Variants in NME8 observed in about 807,000 individuals in gnomAD.
NME8 encodes NME/NM23 family member 8.
A neutral mutation model predicts 82.3 loss-of-function variants in NME8; 72 were observed. The ratio of observed to expected loss-of-function variants is 0.87; its 90% CI spans 0.72 to 1.06. The LOEUF is 1.06. Ranked by LOEUF, NME8 falls within the 50% of genes least tolerant of loss-of-function variation. The pLI, the probability that NME8 is intolerant of heterozygous loss-of-function variation, is 0.00. For synonymous variants in NME8, 267 were observed against 228.5 expected (o/e 1.17, Z -1.52); for missense variants, 712 against 685.4 (o/e 1.04, Z -0.43).
rs56873287 is a variant in NME8 at position 37,876,229 on chromosome 7, T to TATAGATAGATAG, written c.819-583_819-572dup. 8.7e-3 allele frequency among the ~76,000 whole-genome samples: 1,272 copies of TATAGATAGATAG among 146,184 alleles called. 16 individuals are homozygous for TATAGATAGATAG. The highest frequency in any genetic ancestry group is 0.03 in the African/African-American group (1,195 of 39,436). ...CTCAAAAAAACACTATATATATATA[T>TATAGATAGATAG]ATAGATAGATAGATAGATAGATAGA... is the stretch of plus-strand genomic sequence containing the variant. On this transcript the variant is annotated intron_variant, in intron 11 of 17. Transcript: ENST00000199447.
At chr7:37,872,669 A>G (rs1784785536) in intron 11 of NME8, among the ~76,000 whole-genome samples, 2 of 152,226 alleles carry the variant, frequency 1.3e-5, no homozygotes, top group South Asian at 4.1e-4. Flanking sequence ...GAAAGTACAC[A>G]CAAAAAATTA....
intron 12 of NME8, among the ~76,000 whole-genome samples, chr7:37,878,302 C>A (rs1285020775): frequency 6.6e-6 from 1 of 152,048 alleles, no homozygotes. Flanking sequence ...CAGAAAAATC[C>A]CACTTGGCTG....
intron 11 of NME8, among the ~76,000 whole-genome samples, chr7:37,875,774 A>G (rs111542848): frequency 6.6e-6 from 1 of 152,164 alleles, no homozygotes. Context: ...AAAAGAAAAA[A>G]TTGTGGCCCC....
At chr7:37,867,529 TA>T (rs2131951988) in intron 10 of NME8, among the ~76,000 whole-genome samples, 172 bp from the exon 11 acceptor site, 1 of 152,184 alleles carries the variant, frequency 6.6e-6, no homozygotes, top group African/African-American at 2.4e-5. Flanking sequence ...AAAGCAAAAA[TA>T]AAAACCCCCA....
At chr7:37,894,736 A>G in intron 16 of NME8, 126 bp downstream of exon 16, 2 of 975,160 alleles carry the variant, frequency 2.1e-6, no homozygotes, top group Non-Finnish European at 3.0e-6. Flanking sequence ...ACATTCTGCT[A>G]ACATTCATGG....
rs538590871 is a variant in NME8, at chr7:37,899,387, T to C, written c.*16-857T>C. Among the ~76,000 whole-genome samples the C allele has an allele frequency of 2.6e-5, 4 of 152,276 alleles. No homozygotes were observed. The South Asian group carries it at 8.3e-4, about 32-fold the overall frequency. On this transcript the variant is annotated intron_variant, in intron 17 of 17. Coordinates refer to ENST00000199447, the MANE Select transcript of NME8 (RefSeq NM_016616.5). ...TGAGATCGTGTCCTTTGCAGGGACA[T>C]AGAGTTGGAAGCCACTATCCTCAGC...
intron 10 of NME8, 113 bp downstream of exon 10, chr7:37,865,730 G>A (rs2131950537): frequency 4.2e-6 from 3 of 720,112 alleles, no homozygotes; most frequent in East Asian, 5.5e-5. Context: ...ACTAAAATAA[G>A]CTCCTGGTGT....
chr7:37,850,716 A>G lies in NME8; in HGVS notation c.179A>G (p.Glu60Gly). The G allele has an allele frequency of 6.2e-7, 1 of 1,612,052 alleles. No individual in the cohort carries two copies. The highest frequency in any genetic ancestry group is 8.5e-7 in the Non-Finnish European group (1 of 1,178,296). The change falls in exon 5 of 18, where the codon GAA (glutamate) becomes GGA (glycine). Residue 60 changes from glutamate to glycine, a missense_variant. Transcript: ENST00000199447. ...TTGAAAAATGAACTGAACGAAGACG[A>G]AATTCTGCATTTTGCTGTCGTAAGA... ...RKLKNELNED[E>G]ILHFAVAEAD...
Position 37,894,533 on chromosome 7 carries a change from T to C in NME8, c.1467T>C (p.Thr489=), listed in dbSNP as rs141799366. The change falls in exon 16 of 18, where the codon ACT becomes ACC. Residue 489 remains threonine, a synonymous_variant. Coordinates refer to ENST00000199447, the MANE Select transcript of NME8 (RefSeq NM_016616.5). ...DLTQVKKMFL[T]PEQIEKIYPK... ...CACAGGTGAAGAAAATGTTCCTAACTCCTGAGCAAATAGAGAAAATTTATC... is the reference window on the plus strand; with the variant it reads ...CACAGGTGAAGAAAATGTTCCTAACCCCTGAGCAAATAGAGAAAATTTATC... 1.2e-4 allele frequency: 186 copies of C among 1,611,926 alleles called. No homozygotes were observed. The highest frequency in any genetic ancestry group is 1.5e-4 in the Non-Finnish European group (181 of 1,178,374).
intron 15 of NME8, among the ~76,000 whole-genome samples, chr7:37,888,654 A>T (rs1223483812): frequency 6.6e-6 from 1 of 152,128 alleles, no homozygotes; most frequent in Non-Finnish European, 1.5e-5. Context: ...TCTTTCTCTT[A>T]ATCAGAAATG....
chr7:37,872,670 C>CA (rs1432574245), intron 11 of NME8, among the ~76,000 whole-genome samples: 1 of 152,078 alleles, frequency 6.6e-6, no homozygotes, highest in African/African-American at 2.4e-5. Flanking sequence ...AAAGTACACA[C>CA]AAAAAATTAG....
chr7:37,897,025 G>C lies in NME8; in HGVS notation c.1700G>C (p.Gly567Ala). ...GISKLKNIVH[G>A]ASNAYEAKEV... ...AGTAAATTGAAAAACATTGTCCATG[G>C]AGCATCTAACGCCTATGAAGCAAAA... The change falls in exon 17 of 18, where the codon GGA becomes GCA. Residue 567 changes from glycine to alanine, a missense_variant. Transcript: ENST00000199447. The C allele has an allele frequency of 6.2e-7, 1 of 1,613,916 alleles. No individual in the cohort carries two copies. The highest frequency in any genetic ancestry group is 8.5e-7 in the Non-Finnish European group (1 of 1,179,904).
chr7:37,876,546 A>T (rs576417748), intron 11 of NME8, among the ~76,000 whole-genome samples: 21 of 152,164 alleles, frequency 1.4e-4, no homozygotes, highest in African/African-American at 5.1e-4. Context: ...GAAAAGAAAA[A>T]TTTTTCCTTA....
At chr7:37,874,765 A>G (rs1354708957) in intron 11 of NME8, among the ~76,000 whole-genome samples, 8 of 152,200 alleles carry the variant, frequency 5.3e-5, no homozygotes, top group Admixed American at 5.2e-4. Flanking sequence ...AACCTAATTT[A>G]AAAACCATCA....
intron 11 of NME8, 42 bp from the exon 12 acceptor site, chr7:37,876,789 CT>C: frequency 7.2e-7 from 1 of 1,380,620 alleles, no homozygotes; most frequent in African/African-American, 1.4e-5. Context: ...GGTTATAAAC[CT>C]CAGTTTATAA....
chr7:37,896,819 T>A (rs781193537), intron 16 of NME8, 51 bp from the exon 17 acceptor site: 1 of 1,480,902 alleles, frequency 6.8e-7, no homozygotes. Flanking sequence ...TTGTTTGCAG[T>A]GTCAACAGTT....
At chr7:37,895,228 CT>C (rs976139382) in intron 16 of NME8, among the ~76,000 whole-genome samples, 1 of 152,130 alleles carries the variant, frequency 6.6e-6, no homozygotes, top group African/African-American at 2.4e-5. Flanking sequence ...GAAATACACT[CT>C]TTTAAAACTT....
chr7:37,872,333 T>C (rs1018374966), intron 11 of NME8, among the ~76,000 whole-genome samples: 4 of 151,854 alleles, frequency 2.6e-5, no homozygotes, highest in African/African-American at 7.3e-5. Context: ...CCAACACATA[T>C]CAAAAATCAG....
At chr7:37,849,894 CAATGAAT>C (rs1784413978) in intron 2 of NME8, among the ~76,000 whole-genome samples, 1 of 139,002 alleles carries the variant, frequency 7.2e-6, no homozygotes, top group African/African-American at 2.6e-5. Context: ...AAAAAAAGAA[CAATGAAT>C]AAGACCTAGT....
Sources: gnomAD v4.1 joint callset for allele counts (sites outside exome capture counted in the v4.1 genomes callset) on GRCh38, gnomAD v4.1.1 for gene constraint, MANE v1.5 for transcripts, NCBI Gene and HGNC (gene_info 2026-07-23, HGNC 2026-07-21) for gene names.